Variants in BAZ2B observed in about 807,000 individuals in gnomAD.
The protein encoded by BAZ2B is bromodomain adjacent to zinc finger domain protein 2B.
Under a neutral mutation model 246.0 loss-of-function variants are expected in BAZ2B, and 91 were observed. The observed-to-expected ratio is 0.37, with a 90% confidence interval of 0.31 to 0.44. BAZ2B has a LOEUF of 0.44. Ranked by LOEUF, BAZ2B falls within the 20% of genes least tolerant of loss-of-function variation. The pLI is 1.00. For synonymous variants in BAZ2B, 855 were observed against 860.0 expected (o/e 0.99, Z 0.10); for missense variants, 2,332 against 2,533.7 (o/e 0.92, Z 1.71).
At chr2:159,609,508 A>G (rs1274504097) in intron 1 of BAZ2B, among the ~76,000 whole-genome samples, 1 of 152,178 alleles carries the variant, frequency 6.6e-6, no homozygotes, top group East Asian at 1.9e-4. Context: ...AACTAGTAAA[A>G]TATTATTAGC....
chr2:159,350,397 G>T, intron 27 of BAZ2B, 40 bp from the exon 28 acceptor site: 2 of 1,416,498 alleles, frequency 1.4e-6, no homozygotes, highest in Non-Finnish European at 1.9e-6. Flanking sequence ...AGTTACTCCA[G>T]ATCAAACCAA....
intron 14 of BAZ2B, among the ~76,000 whole-genome samples, chr2:159,407,123 G>A (rs1404952259): frequency 1.3e-5 from 2 of 151,552 alleles, no homozygotes; most frequent in Non-Finnish European, 2.9e-5. Flanking sequence ...TGATTGCCCC[G>A]CTTACACAAA....
chr2:159,429,532 T>C (rs1246480502), intron 10 of BAZ2B, among the ~76,000 whole-genome samples: 3 of 152,102 alleles, frequency 2.0e-5, no homozygotes, highest in Non-Finnish European at 4.4e-5. Flanking sequence ...TTCCTCTCAT[T>C]TTATTATTAA....
At chr2:159,673,692 A>G in the BAZ2B span, among the ~76,000 whole-genome samples, 1 of 152,162 alleles carries the variant, frequency 6.6e-6, no homozygotes, top group Non-Finnish European at 1.5e-5. Context: ...AAATGAAGAT[A>G]TCTATGAACT....
intron 6 of BAZ2B, chr2:159,444,303 A>C (rs1190697741): frequency 6.6e-6 from 1 of 152,226 alleles, no homozygotes; most frequent in Non-Finnish European, 1.5e-5. Flanking sequence ...TTCAGTGCTC[A>C]GTGGTGTAGG....
At chr2:159,484,643 T>C (rs1481818989) in intron 2 of BAZ2B, among the ~76,000 whole-genome samples, 1 of 152,222 alleles carries the variant, frequency 6.6e-6, no homozygotes, top group Non-Finnish European at 1.5e-5. Flanking sequence ...TTCAAGTTTA[T>C]GTATCTCAAG....
At chr2:159,606,945 A>C (rs1376148252) in intron 1 of BAZ2B, among the ~76,000 whole-genome samples, 1 of 127,148 alleles carries the variant, frequency 7.9e-6, no homozygotes, top group Non-Finnish European at 1.6e-5. Flanking sequence ...TTTGAGACGG[A>C]GTCTCACTCT....
In BAZ2B at chr2:159,353,091, C is replaced by T. The variant is rs183215953; in HGVS notation, c.4214-2734G>A. ...AACTTTCCAAAACATGTAACTGTAG[C>T]TCATCTGTAGTTCATTTTTGTGATC... is the stretch of plus-strand genomic sequence containing the variant. On this transcript the variant is annotated intron_variant, in intron 27 of 36. Transcript: ENST00000392783. Among the ~76,000 whole-genome samples the T allele has an allele frequency of 1.6e-3, 238 of 152,298 alleles. 1 individual carries two copies. Among genetic ancestry groups the T allele is most frequent in the African/African-American group, 5.1e-3 (214 of 41,562 alleles).
chr2:159,581,794 C>T (rs1686853267), intron 1 of BAZ2B, among the ~76,000 whole-genome samples: 1 of 151,322 alleles, frequency 6.6e-6, no homozygotes, highest in South Asian at 2.1e-4. Flanking sequence ...AAGCTGGAAA[C>T]CATCATTCTG....
At chr2:159,703,474 A>G in the BAZ2B span, among the ~76,000 whole-genome samples, 12 of 96,254 alleles carry the variant, frequency 1.2e-4, no homozygotes, top group Admixed American at 1.4e-3. Context: ...AAACAATGAA[A>G]TAATCACTTC....
chr2:159,347,611 G>A lies in BAZ2B; in HGVS notation c.5329C>T (p.Gln1777Ter). 1 of 1,611,644 alleles carries A rather than the reference G, an allele frequency of 6.2e-7. No individual in the cohort carries two copies. The change falls in exon 31 of 37, where the codon CAA becomes TAA. Residue 1777 changes from glutamine to a stop codon, truncating the protein, a stop_gained. Transcript: ENST00000392783. LOFTEE classifies it high-confidence loss of function. The part of the protein sequence containing the change: ...IIELNENEEN[Q>*]VTRDIVENWS... Reference sequence around the variant, plus strand: ...TTCTCCACAATATCTCGAGTTACTTGGTTTTCTTCATTTTCATTCAGTTCA... The same window carrying A: ...TTCTCCACAATATCTCGAGTTACTTAGTTTTCTTCATTTTCATTCAGTTCA...
the BAZ2B span, chr2:159,689,372 C>CTTT: frequency 1.1e-4 from 18 of 165,902 alleles, no homozygotes; most frequent in East Asian, 1.8e-4. Context: ...TTTTACTTTC[C>CTTT]TTTTTTTTTT....
intron 27 of BAZ2B, among the ~76,000 whole-genome samples, chr2:159,354,626 C>T (rs2058902291): frequency 6.6e-6 from 1 of 152,176 alleles, no homozygotes; most frequent in Non-Finnish European, 1.5e-5. Context: ...GCTGGGATTA[C>T]AGGTGTGAGC....
chr2:159,337,242 C>T (rs1239746693), intron 32 of BAZ2B, among the ~76,000 whole-genome samples, 165 bp from the exon 33 acceptor site: 2 of 152,174 alleles, frequency 1.3e-5, no homozygotes, highest in Admixed American at 6.5e-5. Context: ...ACTGTGGCTA[C>T]GTGCCTCAAA....
chr2:159,569,926 G>C (rs911200811), intron 1 of BAZ2B, among the ~76,000 whole-genome samples: 1 of 152,032 alleles, frequency 6.6e-6, no homozygotes, highest in Non-Finnish European at 1.5e-5. Flanking sequence ...AGTAAGCCAG[G>C]TCAATAGATT....
intron 2 of BAZ2B, among the ~76,000 whole-genome samples, chr2:159,519,216 T>TTTC (rs1469391745): frequency 3.5e-5 from 1 of 28,190 alleles, no homozygotes; most frequent in African/African-American, 1.4e-4. Flanking sequence ...TTTTCTTTTT[T>TTTC]TTTTTTTTTT....
chr2:159,441,730 G>A (rs1278635718), intron 6 of BAZ2B, among the ~76,000 whole-genome samples: 1 of 152,082 alleles, frequency 6.6e-6, no homozygotes, highest in Non-Finnish European at 1.5e-5. Flanking sequence ...GCTCACTGCA[G>A]CCTTGAACTC....
At chr2:159,704,393 C>T in the BAZ2B span, among the ~76,000 whole-genome samples, 1 of 152,102 alleles carries the variant, frequency 6.6e-6, no homozygotes, top group East Asian at 1.9e-4. Context: ...AATGCAAAAT[C>T]AGTTAGGTAT....
intron 16 of BAZ2B, among the ~76,000 whole-genome samples, 172 bp from the exon 17 acceptor site, chr2:159,400,836 C>T (rs892084876): frequency 3.9e-5 from 6 of 152,006 alleles, no homozygotes; most frequent in Admixed American, 2.6e-4. Context: ...GTCAGGAGAT[C>T]GAGACCATCC....
Sources: allele counts gnomAD v4.1 joint callset (sites outside exome capture counted in the v4.1 genomes callset), GRCh38; gene constraint gnomAD v4.1.1; transcripts MANE v1.5; gene names NCBI Gene and HGNC (gene_info 2026-07-23, HGNC 2026-07-21).